DLGAP2: variants seen among roughly 807,000 people sequenced by gnomAD.
DLGAP2 encodes disks large-associated protein 2.
DLGAP2 carries 26 observed loss-of-function variants against 100.3 expected under a neutral mutation model. That is an observed-to-expected ratio of 0.26 (90% CI 0.19 to 0.36). The LOEUF is 0.36. Among genes scored for constraint, DLGAP2 ranks in the 10% least tolerant of loss-of-function variants. DLGAP2 has a pLI of 1.00. For missense variants in DLGAP2, 1,858 were observed against 1,453.2 expected, an observed-to-expected ratio of 1.28 and a Z score of -4.53; for synonymous variants, 886 against 630.1, an observed-to-expected ratio of 1.41 and a Z score of -6.08.
At chr8:1,025,307 T>G (rs1033214545) in intron 2 of DLGAP2, among the ~76,000 whole-genome samples, 1 of 152,188 alleles carries the variant, frequency 6.6e-6, no homozygotes, top group Non-Finnish European at 1.5e-5. Flanking sequence ...CCAAACTTCA[T>G]GACGTGTCTG....
At chr8:1,252,528 T>G (rs1220039392) in intron 2 of DLGAP2, among the ~76,000 whole-genome samples, 1 of 152,218 alleles carries the variant, frequency 6.6e-6, no homozygotes, top group Non-Finnish European at 1.5e-5. Context: ...ACGGTGGTGT[T>G]GTCACGTGGT....
At chr8:1,464,815 G>T (rs1798577857) in intron 3 of DLGAP2, among the ~76,000 whole-genome samples, 1 of 152,232 alleles carries the variant, frequency 6.6e-6, no homozygotes, top group South Asian at 2.1e-4. Context: ...TCAGATTGCA[G>T]CAGGATGATC....
At chr8:756,476 A>T (rs1216920227) in intron 1 of DLGAP2, among the ~76,000 whole-genome samples, 2 of 152,230 alleles carry the variant, frequency 1.3e-5, no homozygotes, top group Non-Finnish European at 2.9e-5. Context: ...ACAATAAAAA[A>T]TGCATGAACT....
At position 1,701,427 on chromosome 8, in the gene DLGAP2, C is replaced by A; in HGVS notation, c.*21C>A. On this transcript the variant is annotated 3_prime_UTR_variant, in exon 15 of 15. Transcript: ENST00000637795. The stretch of plus-strand genomic sequence containing the variant: ...TCTGAGGGCGGAGGCCGGCGCCTTC[C>A]CCTCGTCGCTTCCGCTTTCCCGGAC... The A allele has an allele frequency of 6.4e-7, 1 of 1,560,322 alleles. No homozygotes were observed. The highest frequency in any genetic ancestry group is 8.7e-7 in the Non-Finnish European group (1 of 1,153,958).
intron 5 of DLGAP2, among the ~76,000 whole-genome samples, chr8:1,561,082 G>C (rs905472578): frequency 1.1e-4 from 17 of 152,120 alleles, no homozygotes; most frequent in African/African-American, 4.1e-4. Context: ...TTTCATGATG[G>C]TGACTAAGTC....
At chr8:1,616,887 C>T (rs1584998643) in intron 6 of DLGAP2, among the ~76,000 whole-genome samples, 1 of 152,108 alleles carries the variant, frequency 6.6e-6, no homozygotes, top group African/African-American at 2.4e-5. Context: ...CCTCTCCCTC[C>T]TTCTAACCTC....
chr8:1,274,816 G>T (rs1319915245), intron 3 of DLGAP2, among the ~76,000 whole-genome samples: 2 of 149,816 alleles, frequency 1.3e-5, no homozygotes, highest in East Asian at 4.0e-4. Flanking sequence ...ACAAAAGGAG[G>T]CAAGAAACCC....
chr8:795,633 C>T (rs62485632), intron 1 of DLGAP2, among the ~76,000 whole-genome samples: 2,606 of 36,380 alleles, frequency 0.072, 60 homozygotes, highest in African/African-American at 0.12. Flanking sequence ...TGAGAGCAGG[C>T]GTCCAGTGAG....
rs377427295 is a variant in DLGAP2, at chr8:1,430,321, G to C, written c.107-71045G>C. Reference sequence around the variant, plus strand: ...AATAATAGTACAGATTAAATCTTTAGTGGCTTCATTGCTTTATAGAGGAAC... The same window carrying C: ...AATAATAGTACAGATTAAATCTTTACTGGCTTCATTGCTTTATAGAGGAAC... On this transcript the variant is annotated intron_variant, in intron 3 of 14. Coordinates refer to ENST00000637795, the MANE Select transcript of DLGAP2 (RefSeq NM_001346810.2). 1.6e-3 allele frequency among the ~76,000 whole-genome samples: 250 copies of C among 152,132 alleles called. 6 individuals are homozygous for C. In the South Asian group the frequency reaches 0.05, roughly 31 times the overall value.
At chr8:1,121,079 A>C (rs1243330107) in intron 2 of DLGAP2, among the ~76,000 whole-genome samples, 2 of 151,448 alleles carry the variant, frequency 1.3e-5, no homozygotes, top group African/African-American at 4.9e-5. Context: ...ATCCCTTTAG[A>C]ACCCCTGATC....
Position 881,682 on chromosome 8 carries a change from C to CT in DLGAP2, c.19-26214dup, listed in dbSNP as rs561123444. On this transcript the variant is annotated intron_variant, in intron 1 of 14. Transcript: ENST00000637795. Reference sequence around the variant, plus strand: ...TTGTGGCTGAACACACACACACACACTTTTTTTTTTTTTTTTAGTAGAGAC... The same window carrying CT: ...TTGTGGCTGAACACACACACACACACTTTTTTTTTTTTTTTTTAGTAGAGAC... 2.1e-3 allele frequency among the ~76,000 whole-genome samples: 111 copies of CT among 51,820 alleles called. 1 individual carries two copies. The highest frequency in any genetic ancestry group is 8.3e-3 in the South Asian group (16 of 1,926). The allele number at this position is 51,820 out of a possible 152,430, so 34.0% of individuals were successfully genotyped here.
chr8:1,180,656 C>G (rs1169105955), intron 2 of DLGAP2, among the ~76,000 whole-genome samples: 1 of 149,946 alleles, frequency 6.7e-6, no homozygotes, highest in African/African-American at 2.5e-5. Flanking sequence ...GGGCAGTATG[C>G]TTACCGTCGA....
intron 1 of DLGAP2, among the ~76,000 whole-genome samples, chr8:772,781 A>G (rs908281824): frequency 6.6e-6 from 1 of 152,206 alleles, no homozygotes; most frequent in Non-Finnish European, 1.5e-5. Context: ...AGTGCCACAC[A>G]TGGCTTCTTG....
chr8:750,335 C>G (rs1232828573), intron 1 of DLGAP2, among the ~76,000 whole-genome samples: 2 of 152,104 alleles, frequency 1.3e-5, no homozygotes, highest in Non-Finnish European at 2.9e-5. Context: ...GGAAAAGTAA[C>G]AAAAGAAACC....
At chr8:876,632 C>G (rs1797690978) in intron 1 of DLGAP2, among the ~76,000 whole-genome samples, 1 of 152,062 alleles carries the variant, frequency 6.6e-6, no homozygotes, top group African/African-American at 2.4e-5. Context: ...TGCTTTTATC[C>G]TTGTTGGAGT....
chr8:1,066,826 C>A (rs1267481871), intron 2 of DLGAP2, among the ~76,000 whole-genome samples: 1 of 152,214 alleles, frequency 6.6e-6, no homozygotes, highest in Non-Finnish European at 1.5e-5. Flanking sequence ...GTGAAAAAGA[C>A]CCTGATGGGA....
At chr8:1,206,056 T>G (rs995853946) in intron 2 of DLGAP2, among the ~76,000 whole-genome samples, 4 of 152,132 alleles carry the variant, frequency 2.6e-5, no homozygotes, top group African/African-American at 4.8e-5. Context: ...CAGGGAGCCA[T>G]CTCAGTCGGG....
intron 2 of DLGAP2, among the ~76,000 whole-genome samples, chr8:1,028,614 G>T (rs1032593882): frequency 6.6e-6 from 1 of 152,246 alleles, no homozygotes; most frequent in Non-Finnish European, 1.5e-5. Context: ...TGTGGTATCA[G>T]ACACAGATGT....
chr8:1,455,145 C>G (rs1173178588), intron 3 of DLGAP2, among the ~76,000 whole-genome samples: 1 of 152,236 alleles, frequency 6.6e-6, no homozygotes, highest in African/African-American at 2.4e-5. Flanking sequence ...CTGTGAGCGG[C>G]TGGTCTGAGA....
Sources: allele counts gnomAD v4.1 joint callset (sites outside exome capture counted in the v4.1 genomes callset), GRCh38; gene constraint gnomAD v4.1.1; transcripts MANE v1.5; gene names NCBI Gene and HGNC (gene_info 2026-07-23, HGNC 2026-07-21).